MUC5B: variants seen among roughly 807,000 people sequenced by gnomAD.
MUC5B encodes mucin 5B, oligomeric mucus/gel-forming.
A neutral mutation model predicts 376.9 loss-of-function variants in MUC5B; 116 were observed. That is an observed-to-expected ratio of 0.31 (90% CI 0.26 to 0.36). The LOEUF (loss-of-function observed/expected upper bound fraction) is 0.36. Ranked by LOEUF, MUC5B falls within the 10% of genes least tolerant of loss-of-function variation. MUC5B has a pLI of 1.00. For missense variants in MUC5B, 7,165 were observed against 7,769.9 expected, an observed-to-expected ratio of 0.92 and a Z score of 2.93; for synonymous variants, 3,517 against 3,390.9, an observed-to-expected ratio of 1.04 and a Z score of -1.29.
rs1308262350 is a variant in MUC5B, at chr11:1,242,585, G to A, written c.5705G>A (p.Gly1902Glu). 15 of 1,613,332 alleles carry A rather than the reference G, an allele frequency of 9.3e-6. No homozygotes were observed. Among genetic ancestry groups the A allele is most frequent in the Non-Finnish European group, 1.3e-5 (15 of 1,179,722 alleles). Residue 1902 changes from glycine to glutamate, a missense_variant, in exon 31 of 49, where the codon GGG becomes GAG. This residue lies in a region of MUC5B where 897 missense variants were observed against 779.6 expected (regional missense o/e 1.15). Transcript: ENST00000529681. Reference protein sequence around the residue: ...SSTATPSSTPGTTWILTKPTT... With the variant: ...SSTATPSSTPETTWILTKPTT... Reference sequence around the variant, plus strand: ...ACGGCCACGCCCTCCTCAACTCCGGGGACGACCTGGATCCTCACAAAGCCG... The same window carrying A: ...ACGGCCACGCCCTCCTCAACTCCGGAGACGACCTGGATCCTCACAAAGCCG...
rs1350678704 is a variant in MUC5B, at chr11:1,232,052, G to T, written c.1735G>T (p.Val579Leu). 33 of 1,612,698 alleles carry T rather than the reference G, an allele frequency of 2.0e-5. No individual in the cohort carries two copies. The highest frequency in any genetic ancestry group is 2.7e-5 in the Non-Finnish European group (32 of 1,179,830). The change falls in exon 15 of 49, where the codon GTG becomes TTG. Residue 579 changes from valine to leucine, a missense_variant. By Grantham distance (32) the Val-to-Leu change is conservative. Around this residue, in one of 31 missense-constraint regions of MUC5B, gnomAD observed 18 missense variants for 54.5 expected, o/e 0.33. Coordinates refer to ENST00000529681, the MANE Select transcript of MUC5B (RefSeq NM_002458.3). ...QADDFTALSGVVEATGAAFAN... is the reference protein window; with the variant it reads ...QADDFTALSGLVEATGAAFAN... ...TGACGACTTCACGGCCCTCAGCGGG[G>T]TGGTGGAGGCCACGGGCGCAGCCTT...
chr11:1,260,868 G>T (rs958218523), intron 48 of MUC5B, 140 bp downstream of exon 48: 7 of 662,694 alleles, frequency 1.1e-5, no homozygotes, highest in Admixed American at 9.7e-5. Flanking sequence ...CCCCAGCAGG[G>T]CTCCCCCTCT....
intron 7 of MUC5B, 153 bp from the exon 8 acceptor site, chr11:1,228,411 A>T: frequency 5.8e-6 from 4 of 694,050 alleles, no homozygotes; most frequent in Non-Finnish European, 9.3e-6. Flanking sequence ...AGAGCTCTGC[A>T]TGGCCACAGT....
At chr11:1,232,342 C>T (rs752905193) in intron 15 of MUC5B, 108 bp from the exon 16 acceptor site, 22 of 1,388,568 alleles carry the variant, frequency 1.6e-5, no homozygotes, top group Admixed American at 4.2e-5. Context: ...GCAGGTGAGC[C>T]GCAAATTCCA....
In MUC5B at chr11:1,226,602, G is replaced by A. The variant is rs376982854; in HGVS notation, c.200-13G>A. On this transcript the variant is annotated splice_polypyrimidine_tract_variant and intron_variant, in intron 3 of 48. Transcript: ENST00000529681. ...CTGGCATGGGGATGGGCCTCATCCC[G>A]CGCTCCCCACAGCCCTGAACCCGGC... is the stretch of plus-strand genomic sequence containing the variant. 317 of 1,601,864 alleles carry A rather than the reference G, an allele frequency of 2.0e-4. No homozygotes were observed. Among genetic ancestry groups the A allele is most frequent in the Admixed American group, 2.9e-4 (17 of 58,746 alleles).
chr11:1,259,202 C>T (rs1250976567), intron 44 of MUC5B, 141 bp downstream of exon 44: 44 of 813,906 alleles, frequency 5.4e-5, no homozygotes, highest in Non-Finnish European at 8.1e-5. Context: ...AGGTGAGTCC[C>T]TGAGGCACTT....
At position 1,254,761 on chromosome 11, in the gene MUC5B, G is replaced by A. The variant is rs772190393; in HGVS notation, c.15545G>A (p.Gly5182Glu). ...SKNGVLVSVL[G>E]TTTMRVDIPA... Reference sequence around the variant, plus strand: ...AACGGCGTGCTTGTGTCTGTGCTGGGGACCACCACCATGCGTGTGGACATT... The same window carrying A: ...AACGGCGTGCTTGTGTCTGTGCTGGAGACCACCACCATGCGTGTGGACATT... Residue 5182 changes from glycine to glutamate, a missense_variant, in exon 35 of 49, where the codon GGG becomes GAG. Physicochemically the swap from Gly to Glu is moderately conservative, Grantham distance 98 (BLOSUM62 -2). Around this residue, in one of 31 missense-constraint regions of MUC5B, gnomAD observed 842 missense variants for 1,016.9 expected, o/e 0.83. Transcript: ENST00000529681. 6.2e-7 allele frequency: 1 copy of A among 1,612,892 alleles called. No homozygotes were observed. The highest frequency in any genetic ancestry group is 1.7e-5 in the Admixed American group (1 of 60,000).
chr11:1,242,074 A>G lies in MUC5B; in HGVS notation c.5194A>G (p.Thr1732Ala). 1 of 1,608,368 alleles carries G rather than the reference A, an allele frequency of 6.2e-7. No individual in the cohort carries two copies. The highest frequency in any genetic ancestry group is 8.5e-7 in the Non-Finnish European group (1 of 1,177,768). ...AACCTCCAGAGCTCGCCCGACAGGC[A>G]CAGCCAGCACCGCTTCCAAAGAGCC... is the stretch of plus-strand genomic sequence containing the variant. ...MATSRARPTGTASTASKEPLT... is the reference protein window; with the variant it reads ...MATSRARPTGAASTASKEPLT... Residue 1732 changes from threonine (T) to alanine (A), a missense_variant, in exon 31 of 49, where the codon ACA (threonine) becomes GCA (alanine). By Grantham distance (58) the Thr-to-Ala change is moderately conservative (BLOSUM62 0). Around this residue, in one of 31 missense-constraint regions of MUC5B, gnomAD observed 897 missense variants for 779.6 expected, o/e 1.15. Coordinates refer to ENST00000529681, the MANE Select transcript of MUC5B (RefSeq NM_002458.3).
At position 1,230,499 on chromosome 11, in the gene MUC5B, G is replaced by C; in HGVS notation, c.1369G>C (p.Asp457His). Reference protein sequence around the residue: ...CSYVLSKKCADSSFTVLAELR... With the variant: ...CSYVLSKKCAHSSFTVLAELR... ...GGGTCCTTCTCCCCAGAAATGTGCC[G>C]ACAGCAGCTTCACCGTGCTGGCTGA... Residue 457 changes from aspartate (D) to histidine (H), a missense_variant, in exon 12 of 49, where the codon GAC becomes CAC. Asp to His is a moderately conservative substitution (Grantham distance 81). Transcript: ENST00000529681. The C allele has an allele frequency of 6.2e-7, 1 of 1,606,718 alleles. No homozygotes were observed. The highest frequency in any genetic ancestry group is 1.1e-5 in the South Asian group (1 of 90,074).
At position 1,249,771 on chromosome 11, in the gene MUC5B, TTCC is replaced by T. The variant is rs1862615887; in HGVS notation, c.12898_12900del (p.Ser4301del). The T allele has an allele frequency of 6.2e-7, 1 of 1,607,108 alleles. No individual in the cohort carries two copies. The highest frequency in any genetic ancestry group is 1.4e-5 in the African/African-American group (1 of 72,574). On this transcript the variant is annotated inframe_deletion, in exon 31 of 49. Transcript: ENST00000529681. ...CCACAGCCACCAGTTCCAAAGCCAC[TTCC>T]TCCTCCAGTCCAAGGACTGCAACCA...
In MUC5B at chr11:1,250,065, G is replaced by A. The variant is rs1351190366; in HGVS notation, c.13185G>A (p.Leu4395=). The A allele has an allele frequency of 6.3e-7, 1 of 1,595,064 alleles. No homozygotes were observed. Among genetic ancestry groups the A allele is most frequent in the Non-Finnish European group, 8.5e-7 (1 of 1,169,780 alleles). ...TPGTTWILTE[L]TTAATTTAAT... ...GGACGACCTGGATCCTCACAGAGCTGACCACAGCAGCCACTACAACTGCAG... is the reference window on the plus strand; with the variant it reads ...GGACGACCTGGATCCTCACAGAGCTAACCACAGCAGCCACTACAACTGCAG... The change falls in exon 31 of 49, where the codon CTG becomes CTA. Residue 4395 remains leucine (L), a synonymous_variant. Transcript: ENST00000529681.
At position 1,241,381 on chromosome 11, in the gene MUC5B, A is replaced by G. The variant is rs767842190; in HGVS notation, c.4501A>G (p.Thr1501Ala). 2 of 1,613,418 alleles carry G rather than the reference A, an allele frequency of 1.2e-6. No individual in the cohort carries two copies. Among genetic ancestry groups the G allele is most frequent in the Non-Finnish European group, 1.7e-6 (2 of 1,179,606 alleles). The change falls in exon 31 of 49, where the codon ACC (threonine) becomes GCC (alanine). Residue 1501 changes from threonine to alanine, a missense_variant. By Grantham distance (58) the Thr-to-Ala change is moderately conservative. This residue lies in a region of MUC5B where 517 missense variants were observed against 545.3 expected (regional missense o/e 0.95). Coordinates refer to ENST00000529681, the MANE Select transcript of MUC5B (RefSeq NM_002458.3). ...VTVTPSAPGT[T>A]TCQPRCQWTE... The stretch of plus-strand genomic sequence containing the variant: ...GGTCACCCCCTCGGCCCCAGGTACC[A>G]CCACCTGCCAGCCCCGGTGTCAGTG...
At chr11:1,228,881 CCCACCCCAGGCATAGTGGGCAGAGG>C in intron 8 of MUC5B, 116 bp downstream of exon 8, 2 of 1,077,076 alleles carry the variant, frequency 1.9e-6, no homozygotes, top group South Asian at 3.4e-5. Context: ...GGGCAGAGGA[CCCACCCCAGGCATAGTGGGCAGAGG>C]CCACCCCAGG....
At position 1,243,008 on chromosome 11, in the gene MUC5B, C is replaced by G; in HGVS notation, c.6128C>G (p.Pro2043Arg). ...TCTGTGGCCACCCCCTCCTCCACCC[C>G]AGGAACAGCTCACACTACCAAAGTG... ...TGSVATPSST[P>R]GTAHTTKVPT... Residue 2043 changes from proline (P) to arginine (R), a missense_variant, in exon 31 of 49, where the codon CCA (proline) becomes CGA (arginine). Coordinates refer to ENST00000529681, the MANE Select transcript of MUC5B (RefSeq NM_002458.3). The G allele has an allele frequency of 1.9e-6, 3 of 1,613,318 alleles. No homozygotes were observed. The South Asian group carries it at 3.3e-5, about 18-fold the overall frequency.
chr11:1,234,365 C>A lies in MUC5B; in HGVS notation c.2478+60C>A. ...AAGGGGTCCCAGCTTTCCCAGCTCCCGAGCCCAGGGATCTGGTGGTCCTGG... is the reference window on the plus strand; with the variant it reads ...AAGGGGTCCCAGCTTTCCCAGCTCCAGAGCCCAGGGATCTGGTGGTCCTGG... On this transcript the variant is annotated intron_variant, in intron 20 of 48. Transcript: ENST00000529681. The surrounding 1 kb of genome is among the most constrained non-coding windows in gnomAD (Gnocchi z 6.3). The A allele has an allele frequency of 6.6e-7, 1 of 1,526,256 alleles. No homozygotes were observed. 94.5% of individuals were successfully genotyped at this position (1,526,256 alleles called of 1,614,324 possible).
At chr11:1,259,316 C>G (rs1206038572) in intron 44 of MUC5B, among the ~76,000 whole-genome samples, 1 of 151,342 alleles carries the variant, frequency 6.6e-6, no homozygotes, top group Non-Finnish European at 1.5e-5. Flanking sequence ...ACCAAGGCAC[C>G]TGCCCCCAAG....
rs1456510371 is a variant in MUC5B at position 1,244,166 on chromosome 11, C to T, written c.7286C>T (p.Thr2429Ile). The stretch of plus-strand genomic sequence containing the variant: ...AGCTCTACGGCCATGCCCTCCTCCA[C>T]TCCGGGGACGACCTGGATCCTCACA... ...ATSSTAMPSS[T>I]PGTTWILTEL... Residue 2429 changes from threonine to isoleucine, a missense_variant, in exon 31 of 49, where the codon ACT becomes ATT. Around this residue, in one of 31 missense-constraint regions of MUC5B, gnomAD observed 194 missense variants for 268.5 expected, o/e 0.72. Transcript: ENST00000529681. The T allele has an allele frequency of 6.2e-7, 1 of 1,613,462 alleles. No individual in the cohort carries two copies. The highest frequency in any genetic ancestry group is 8.5e-7 in the Non-Finnish European group (1 of 1,179,722).
At chr11:1,251,934 G>T (rs1230355068) in intron 31 of MUC5B, among the ~76,000 whole-genome samples, 191 bp downstream of exon 31, 1 of 140,734 alleles carries the variant, frequency 7.1e-6, no homozygotes, top group African/African-American at 2.7e-5. Context: ...CAATCCGTCC[G>T]CACTGGCCAC....
At position 1,231,560 on chromosome 11, in the gene MUC5B, G is replaced by A; in HGVS notation, c.1678G>A (p.Gly560Ser). 1 of 1,569,264 alleles carries A rather than the reference G, an allele frequency of 6.4e-7. No homozygotes were observed. The highest frequency in any genetic ancestry group is 8.6e-7 in the Non-Finnish European group (1 of 1,159,950). ...LDPAHQGQMCGLCGNFNQNQA... is the reference protein window; with the variant it reads ...LDPAHQGQMCSLCGNFNQNQA... ...CCCCGCCCACCAGGGCCAGATGTGC[G>A]GTGAGGCTGGGCAGGGGCCTTCGGG... The change falls in exon 14 of 49, where the codon GGC becomes AGC. Residue 560 changes from glycine to serine, a missense_variant and splice_region_variant. Around this residue, in one of 31 missense-constraint regions of MUC5B, gnomAD observed 18 missense variants for 54.5 expected, o/e 0.33. Coordinates refer to ENST00000529681, the MANE Select transcript of MUC5B (RefSeq NM_002458.3).
Sources: gnomAD v4.1 joint callset for allele counts (sites outside exome capture counted in the v4.1 genomes callset) on GRCh38, gnomAD v4.1.1 for gene constraint, gnomAD v4.1.1 regional missense constraint, Gnocchi (gnomAD v3.1) non-coding constraint, MANE v1.5 for transcripts, NCBI Gene and HGNC (gene_info 2026-07-23, HGNC 2026-07-21) for gene names.